PSD3: variants seen among roughly 807,000 people sequenced by gnomAD.
PSD3 encodes the protein PH and SEC7 domain-containing protein 3.
A neutral mutation model predicts 105.5 loss-of-function variants in PSD3; 49 were observed. That is an observed-to-expected ratio of 0.46 (90% CI 0.37 to 0.59). The LOEUF is 0.59. Among genes scored for constraint, PSD3 ranks in the 20% least tolerant of loss-of-function variants. The pLI is 0.00. For missense variants in PSD3, 1,561 were observed against 1,263.8 expected (o/e 1.24, Z -3.57); for synonymous variants, 557 against 457.8 (o/e 1.22, Z -2.77).
At position 18,867,995 on chromosome 8, in the gene PSD3, G is replaced by T; in HGVS notation, c.1313C>A (p.Thr438Asn). Residue 438 changes from threonine to asparagine, a missense_variant, in exon 4 of 16, where the codon ACC becomes AAC. Transcript: ENST00000327040. ...TTCAAACTGGGAGCTGTACACGTCGGTGGAGTCCTCCGTATATCCAGGCCC... is the reference window on the plus strand; with the variant it reads ...TTCAAACTGGGAGCTGTACACGTCGTTGGAGTCCTCCGTATATCCAGGCCC... ...ILGPGYTEDS[T>N]DVYSSQFETI... The T allele has an allele frequency of 6.2e-7, 1 of 1,614,164 alleles. No homozygotes were observed. Among genetic ancestry groups the T allele is most frequent in the Non-Finnish European group, 8.5e-7 (1 of 1,180,008 alleles).
At chr8:18,647,869 C>A (rs998501170) in intron 10 of PSD3, among the ~76,000 whole-genome samples, 3 of 152,094 alleles carry the variant, frequency 2.0e-5, no homozygotes, top group African/African-American at 7.2e-5. Context: ...AGGTGTGGGG[C>A]ACCTGCCCCC....
At chr8:18,690,726 C>G (rs1290974221) in intron 9 of PSD3, among the ~76,000 whole-genome samples, 1 of 152,230 alleles carries the variant, frequency 6.6e-6, no homozygotes, top group African/African-American at 2.4e-5. Flanking sequence ...AGAATAAACA[C>G]TTGGCCCACA....
chr8:18,945,588 C>T (rs1822808380), intron 1 of PSD3, among the ~76,000 whole-genome samples: 1 of 152,178 alleles, frequency 6.6e-6, no homozygotes, highest in Non-Finnish European at 1.5e-5. Flanking sequence ...TACTTTCTTC[C>T]AGCAGCTATA....
At chr8:18,981,919 G>T (rs1038289417) in intron 1 of PSD3, among the ~76,000 whole-genome samples, 1 of 152,088 alleles carries the variant, frequency 6.6e-6, no homozygotes, top group African/African-American at 2.4e-5. Flanking sequence ...GGTGGCTGTG[G>T]CAACTTAAAA....
chr8:18,723,964 G>A (rs1803171414), intron 9 of PSD3, among the ~76,000 whole-genome samples: 1 of 152,068 alleles, frequency 6.6e-6, no homozygotes, highest in Non-Finnish European at 1.5e-5. Flanking sequence ...GCTTCCAGTA[G>A]TCACAGCAGT....
At chr8:18,821,821 G>C (rs1362005044) in intron 4 of PSD3, among the ~76,000 whole-genome samples, 1 of 87,154 alleles carries the variant, frequency 1.1e-5, no homozygotes, top group African/African-American at 4.5e-5. Context: ...CTCACTTCAA[G>C]TGTTTTGAGA....
chr8:18,808,404 T>C (rs1002994630), intron 4 of PSD3, among the ~76,000 whole-genome samples: 2 of 152,216 alleles, frequency 1.3e-5, no homozygotes, highest in Admixed American at 6.5e-5. Context: ...AAGAGGCTTA[T>C]TCTAATGAGA....
At chr8:18,858,105 A>T (rs1816166245) in intron 4 of PSD3, among the ~76,000 whole-genome samples, 1 of 152,230 alleles carries the variant, frequency 6.6e-6, no homozygotes, top group Non-Finnish European at 1.5e-5. Context: ...GAGCCAATTC[A>T]ATAGACAGAC....
At chr8:18,691,260 C>G (rs1356583929) in intron 9 of PSD3, among the ~76,000 whole-genome samples, 6 of 152,162 alleles carry the variant, frequency 3.9e-5, no homozygotes, top group African/African-American at 1.4e-4. Flanking sequence ...TTTTTTCCCC[C>G]TCATGAACAA....
chr8:18,953,421 CA>C (rs1415303546), intron 1 of PSD3, among the ~76,000 whole-genome samples: 2 of 152,116 alleles, frequency 1.3e-5, no homozygotes, highest in African/African-American at 4.8e-5. Flanking sequence ...TTTGTAATAG[CA>C]AAAGCTAGAA....
intron 11 of PSD3, among the ~76,000 whole-genome samples, chr8:18,608,302 ATCC>A (rs1378547427): frequency 1.3e-5 from 2 of 152,224 alleles, no homozygotes; most frequent in Non-Finnish European, 2.9e-5. Flanking sequence ...TTGAAGGGAC[ATCC>A]ACAGTAAATG....
chr8:18,767,269 C>CACCTCTTA (rs1807077891), intron 8 of PSD3, among the ~76,000 whole-genome samples: 1 of 152,192 alleles, frequency 6.6e-6, no homozygotes, highest in Non-Finnish European at 1.5e-5. Context: ...CACAGAGAAT[C>CACCTCTTA]ACCTCTTATT....
chr8:18,575,983 C>G (rs1046908393), intron 12 of PSD3, among the ~76,000 whole-genome samples: 1 of 152,066 alleles, frequency 6.6e-6, no homozygotes, highest in Non-Finnish European at 1.5e-5. Context: ...TTATCAAAAA[C>G]AAGATAAACA....
intron 4 of PSD3, among the ~76,000 whole-genome samples, chr8:18,805,202 T>C (rs1276093682): frequency 6.6e-6 from 1 of 152,218 alleles, no homozygotes; most frequent in Non-Finnish European, 1.5e-5. Context: ...CTCGTAGTAA[T>C]GAAAATAGAA....
intron 14 of PSD3, among the ~76,000 whole-genome samples, chr8:18,559,858 T>C (rs1475370239): frequency 6.6e-6 from 1 of 152,206 alleles, no homozygotes; most frequent in African/African-American, 2.4e-5. Context: ...TCGGGTTTGT[T>C]CACTGTTACC....
chr8:18,871,966 C>T lies in PSD3; in HGVS notation c.898G>A (p.Glu300Lys). 6.2e-7 allele frequency: 1 copy of T among 1,614,154 alleles called. No individual in the cohort carries two copies. The highest frequency in any genetic ancestry group is 8.5e-7 in the Non-Finnish European group (1 of 1,180,026). The change falls in exon 3 of 16, where the codon GAA becomes AAA. Residue 300 changes from glutamate to lysine, a missense_variant. Coordinates refer to ENST00000327040, the MANE Select transcript of PSD3 (RefSeq NM_015310.4). The stretch of plus-strand genomic sequence containing the variant: ...CACAGTATTTCCACTCCTTGAAATT[C>T]CACATGTTTGACCCGGCCTGGGCGT... ...MGRPGRVKHV[E>K]FQGVEILWTG...
intron 12 of PSD3, among the ~76,000 whole-genome samples, chr8:18,577,932 A>AT (rs1294904634): frequency 6.6e-6 from 1 of 151,484 alleles, no homozygotes; most frequent in Non-Finnish European, 1.5e-5. Context: ...TCTCTCAAGT[A>AT]TTTTCTTTAG....
chr8:18,762,417 C>T (rs890371649), intron 9 of PSD3, among the ~76,000 whole-genome samples: 5 of 152,174 alleles, frequency 3.3e-5, no homozygotes, highest in African/African-American at 1.2e-4. Flanking sequence ...TCAAAATAAA[C>T]CTCTGTTCTT....
intron 1 of PSD3, among the ~76,000 whole-genome samples, chr8:19,058,887 C>G (rs1383942241): frequency 2.0e-5 from 3 of 152,164 alleles, no homozygotes; most frequent in Admixed American, 6.5e-5. Flanking sequence ...GGCAAATATT[C>G]AGCTGGTTTC....
Sources: gnomAD v4.1 joint callset for allele counts (sites outside exome capture counted in the v4.1 genomes callset) on GRCh38, gnomAD v4.1.1 for gene constraint, MANE v1.5 for transcripts, NCBI Gene and HGNC (gene_info 2026-07-23, HGNC 2026-07-21) for gene names.